Variants in SEMA3D observed in about 807,000 individuals in gnomAD.
SEMA3D encodes the protein semaphorin 3D.
A neutral mutation model predicts 100.1 loss-of-function variants in SEMA3D; 84 were observed. That is an observed-to-expected ratio of 0.84 (90% CI 0.70 to 1.01). The LOEUF (loss-of-function observed/expected upper bound fraction) is 1.01, where lower values mean the gene tolerates loss of function less well. Ranked by LOEUF, SEMA3D falls within the 50% of genes least tolerant of loss-of-function variation. The pLI is 0.00. For missense variants in SEMA3D, 875 were observed against 934.1 expected (o/e 0.94, Z 0.82); for synonymous variants, 312 against 320.7 (o/e 0.97, Z 0.29).
the SEMA3D span, among the ~76,000 whole-genome samples, chr7:85,250,025 C>G: frequency 6.6e-6 from 1 of 152,062 alleles, no homozygotes; most frequent in Non-Finnish European, 1.5e-5. Flanking sequence ...CGTGCACGAG[C>G]CAAAGCAGGG....
chr7:85,036,449 A>G (rs1409063792), intron 12 of SEMA3D, among the ~76,000 whole-genome samples: 1 of 152,194 alleles, frequency 6.6e-6, no homozygotes, highest in Non-Finnish European at 1.5e-5. Flanking sequence ...AGATAAATGC[A>G]TACCAAAAAA....
chr7:84,999,905 G>A (rs1201121084), intron 18 of SEMA3D, 40 bp from the exon 19 acceptor site: 1 of 1,551,022 alleles, frequency 6.4e-7, no homozygotes, highest in South Asian at 1.1e-5. Flanking sequence ...ATTAAACACA[G>A]AGAGAGCTAA....
intron 4 of SEMA3D, 135 bp from the exon 5 acceptor site, chr7:85,081,714 T>C: frequency 1.6e-6 from 1 of 626,364 alleles, no homozygotes; most frequent in African/African-American, 1.8e-5. Context: ...TGTGGGAAAT[T>C]TGAGATTTAA....
intron 5 of SEMA3D, among the ~76,000 whole-genome samples, chr7:85,081,234 G>C (rs911276550): frequency 2.0e-5 from 3 of 151,980 alleles, no homozygotes; most frequent in Admixed American, 1.3e-4. Flanking sequence ...GTTTATTTTT[G>C]AATACTTTAA....
Position 85,065,414 on chromosome 7 carries a change from A to AG in SEMA3D, c.718+9_718+10insC. ...AGACAATCAAAAGTAAACAAAAAAA[A>AG]ATCACAAACCATTGAGCCAGTAGTG... On this transcript the variant is annotated intron_variant, in intron 8 of 18. Coordinates refer to ENST00000284136, the MANE Select transcript of SEMA3D (RefSeq NM_001384900.1). 1 of 1,612,004 alleles carries AG rather than the reference A, an allele frequency of 6.2e-7. No homozygotes were observed. Among genetic ancestry groups the AG allele is most frequent in the Non-Finnish European group, 8.5e-7 (1 of 1,178,788 alleles).
the SEMA3D span, among the ~76,000 whole-genome samples, chr7:85,208,993 T>C: frequency 1.3e-5 from 2 of 152,066 alleles, no homozygotes; most frequent in African/African-American, 2.4e-5. Flanking sequence ...CTTTTATGCC[T>C]CGTTAGCCTT....
At chr7:85,141,789 G>A (rs1790058270) in intron 2 of SEMA3D, 4 of 777,666 alleles carry the variant, frequency 5.1e-6, no homozygotes, top group Non-Finnish European at 6.2e-6. Context: ...ATAAATCTGG[G>A]AAAAGGCGGT....
At chr7:85,079,045 T>C (rs1189686622) in intron 5 of SEMA3D, among the ~76,000 whole-genome samples, 1 of 152,208 alleles carries the variant, frequency 6.6e-6, no homozygotes, top group Non-Finnish European at 1.5e-5. Flanking sequence ...TATAATGTTA[T>C]GTAAGAGCAC....
intron 1 of SEMA3D, among the ~76,000 whole-genome samples, chr7:85,168,983 T>C (rs1583985999): frequency 6.6e-6 from 1 of 151,564 alleles, no homozygotes; most frequent in African/African-American, 2.4e-5. Flanking sequence ...ATTAAGAAAT[T>C]TAGACAATAT....
At chr7:85,077,487 G>A (rs976391189) in intron 5 of SEMA3D, among the ~76,000 whole-genome samples, 1 of 151,604 alleles carries the variant, frequency 6.6e-6, no homozygotes, top group Non-Finnish European at 1.5e-5. Flanking sequence ...TAATCAGCAC[G>A]AAAAAGGCAA....
chr7:85,220,644 T>C, the SEMA3D span, among the ~76,000 whole-genome samples: 2 of 152,102 alleles, frequency 1.3e-5, no homozygotes, highest in African/African-American at 4.8e-5. Context: ...AACACCAGTC[T>C]TTAAAAGATA....
chr7:85,097,751 G>T, intron 4 of SEMA3D, 54 bp downstream of exon 4: 2 of 1,160,274 alleles, frequency 1.7e-6, no homozygotes, highest in Non-Finnish European at 2.5e-6. Context: ...AACGGGAGAA[G>T]AAGAGAGATG....
chr7:85,089,794 G>A (rs1050342911), intron 4 of SEMA3D, among the ~76,000 whole-genome samples: 2 of 152,234 alleles, frequency 1.3e-5, no homozygotes, highest in African/African-American at 4.8e-5. Context: ...AGGAGGCTGA[G>A]GTGAGAGGAT....
intron 6 of SEMA3D, among the ~76,000 whole-genome samples, chr7:85,068,959 A>G (rs544338774): frequency 7.9e-5 from 12 of 152,282 alleles, no homozygotes; most frequent in African/African-American, 2.9e-4. Flanking sequence ...GCAGACTTTT[A>G]GTATTTGGGA....
intron 2 of SEMA3D, chr7:85,141,984 A>G: frequency 1.0e-5 from 10 of 982,282 alleles, no homozygotes; most frequent in Non-Finnish European, 1.2e-5. Flanking sequence ...AAATGCATTA[A>G]CCAAATCTTT....
chr7:85,038,466 C>G (rs1008581629), intron 11 of SEMA3D, among the ~76,000 whole-genome samples: 1 of 152,070 alleles, frequency 6.6e-6, no homozygotes, highest in Non-Finnish European at 1.5e-5. Context: ...TCTTGTTGGA[C>G]AAAGGATATG....
At chr7:85,146,495 A>G (rs1198341922) in intron 2 of SEMA3D, among the ~76,000 whole-genome samples, 1 of 151,938 alleles carries the variant, frequency 6.6e-6, no homozygotes, top group Non-Finnish European at 1.5e-5. Context: ...CGGAGGTTGC[A>G]TTGAGCCAAG....
At chr7:85,039,586 G>A (rs1051637592) in intron 11 of SEMA3D, among the ~76,000 whole-genome samples, 9 of 152,224 alleles carry the variant, frequency 5.9e-5, no homozygotes, top group African/African-American at 1.9e-4. Flanking sequence ...TAAGGAAGTC[G>A]GAAGGTCTCA....
At chr7:85,068,919 A>C (rs1446690971) in intron 6 of SEMA3D, among the ~76,000 whole-genome samples, 2 of 152,170 alleles carry the variant, frequency 1.3e-5, no homozygotes, top group African/African-American at 4.8e-5. Flanking sequence ...ATCTATTTTT[A>C]TAATAGTGAC....
Sources: gnomAD v4.1 joint callset for allele counts (sites outside exome capture counted in the v4.1 genomes callset) on GRCh38, gnomAD v4.1.1 for gene constraint, MANE v1.5 for transcripts, NCBI Gene and HGNC (gene_info 2026-07-23, HGNC 2026-07-21) for gene names.